Variants in PACS2 observed in about 807,000 individuals in gnomAD.
The protein encoded by PACS2 is PACS1-like protein.
PACS2 carries 36 observed loss-of-function variants against 113.0 expected under a neutral mutation model. The ratio of observed to expected loss-of-function variants is 0.32; its 90% CI spans 0.24 to 0.42. PACS2 has a LOEUF of 0.42. Among genes scored for constraint, PACS2 ranks in the 10% least tolerant of loss-of-function variants. The pLI is 1.00. For missense variants in PACS2, 1,015 were observed against 1,239.5 expected, an observed-to-expected ratio of 0.82 and a Z score of 2.72; for synonymous variants, 589 against 536.1, an observed-to-expected ratio of 1.10 and a Z score of -1.36.
In PACS2 at chr14:105,367,115, T is replaced by G. The variant is rs2060968702; in HGVS notation, c.424-98T>G. 6.1e-6 allele frequency: 7 copies of G among 1,139,930 alleles called. No individual in the cohort carries two copies. In the Admixed American group the frequency reaches 1.5e-4, roughly 24 times the overall value. 70.6% of individuals were successfully genotyped at this position (1,139,930 alleles called of 1,614,324 possible). On this transcript the variant is annotated intron_variant, in intron 4 of 24. Transcript: ENST00000447393. ...TGCTGAGGGTCCCCCTTGCTGTCACTGAGAGAGAAAGCCCTTCAGAAACCC... is the reference window on the plus strand; with the variant it reads ...TGCTGAGGGTCCCCCTTGCTGTCACGGAGAGAGAAAGCCCTTCAGAAACCC...
chr14:105,331,468 G>A (rs1021043664), intron 1 of PACS2, among the ~76,000 whole-genome samples: 2 of 152,196 alleles, frequency 1.3e-5, no homozygotes, highest in Non-Finnish European at 2.9e-5. Flanking sequence ...TCAGGCTAGA[G>A]TGCAGTGGCA....
In PACS2 at chr14:105,376,503, T is replaced by C. The variant is rs115269103; in HGVS notation, c.802-265T>C. On this transcript the variant is annotated intron_variant, in intron 8 of 24. Coordinates refer to ENST00000447393, the MANE Select transcript of PACS2 (RefSeq NM_001100913.3). The surrounding 1 kb of genome is among the most constrained non-coding windows in gnomAD (Gnocchi z 4.7). ...AGCTCACCTGCCTGCACCCAGGCCC[T>C]CCGTGCACCCTGGCAGCCCAGATGA... Among the ~76,000 whole-genome samples, 524 of 152,232 alleles carry C rather than the reference T, an allele frequency of 3.4e-3. 2 individuals carry two copies. Among genetic ancestry groups the C allele is most frequent in the African/African-American group, 0.012 (501 of 41,546 alleles).
At chr14:105,380,245 A>G (rs1271994403) in intron 11 of PACS2, 91 bp downstream of exon 11, 5 of 1,066,860 alleles carry the variant, frequency 4.7e-6, no homozygotes, top group African/African-American at 1.6e-5. Flanking sequence ...CGGGGCCCAC[A>G]TATAGGTCCT....
At chr14:105,313,471 A>G (rs888677590), upstream of PACS2, among the ~76,000 whole-genome samples, 7 of 152,242 alleles carry the variant, frequency 4.6e-5, no homozygotes. Flanking sequence ...TGGGAAACAC[A>G]GAGTCCCTTG....
At chr14:105,326,667 C>T (rs2059120613) in intron 1 of PACS2, among the ~76,000 whole-genome samples, 1 of 152,210 alleles carries the variant, frequency 6.6e-6, no homozygotes, top group African/African-American at 2.4e-5. Flanking sequence ...GGCTCTCCTT[C>T]CTCCCCCACC....
At chr14:105,320,010 G>A (rs2058829520) in intron 1 of PACS2, among the ~76,000 whole-genome samples, 1 of 152,018 alleles carries the variant, frequency 6.6e-6, no homozygotes, top group African/African-American at 2.4e-5. Flanking sequence ...ACAGAGTCTC[G>A]CTCTGTTACC....
chr14:105,302,939 A>G (rs1282048626), intron 1 of PACS2, among the ~76,000 whole-genome samples: 1 of 136,338 alleles, frequency 7.3e-6, no homozygotes, highest in Non-Finnish European at 1.6e-5. Flanking sequence ...CCCTTTCTCT[A>G]GTTCTTTTTT....
rs1424146037 is a variant in PACS2 at position 105,336,318 on chromosome 14, A to C, written c.120-12175A>C. 2.0e-5 allele frequency: 3 copies of C among 152,270 alleles called. No individual in the cohort carries two copies. The East Asian group carries it at 5.8e-4, about 29-fold the overall frequency. The allele number at this position is 152,270 out of a possible 1,614,324, so 9.4% of individuals were successfully genotyped here. ...CTGGTGCATTTCTCAGAAATCCGTG[A>C]AGTGCTCCCTTGTCCTGCTCGTGTT... is the stretch of plus-strand genomic sequence containing the variant. On this transcript the variant is annotated intron_variant, in intron 1 of 24. Coordinates refer to ENST00000447393, the MANE Select transcript of PACS2 (RefSeq NM_001100913.3).
intron 7 of PACS2, among the ~76,000 whole-genome samples, chr14:105,368,816 G>C (rs981007104): frequency 6.6e-6 from 1 of 152,244 alleles, no homozygotes; most frequent in Non-Finnish European, 1.5e-5. Flanking sequence ...CTCACTCCAT[G>C]TGCAGAAACT....
In PACS2 at chr14:105,390,829, G is replaced by A. The variant is rs1477876107; in HGVS notation, c.2077-378G>A. The A allele has an allele frequency of 1.6e-5, 5 of 303,192 alleles. No individual in the cohort carries two copies. In the South Asian group the frequency reaches 2.2e-4, roughly 13 times the overall value. 18.8% of individuals were successfully genotyped at this position (303,192 alleles called of 1,614,324 possible). On this transcript the variant is annotated intron_variant, in intron 20 of 24. Coordinates refer to ENST00000447393, the MANE Select transcript of PACS2 (RefSeq NM_001100913.3). ...GCCCTGCGGTGTCACTGGGATTCAC[G>A]GTAGATCTACGTAGCCGCCTGTGGC... is the stretch of plus-strand genomic sequence containing the variant.
chr14:105,302,306 C>T (rs1033400403), intron 1 of PACS2, among the ~76,000 whole-genome samples: 2 of 148,862 alleles, frequency 1.3e-5, no homozygotes, highest in Admixed American at 1.4e-4. Context: ...TGGGTTTAAG[C>T]GATTCTCCTC....
chr14:105,327,478 TCTC>T (rs1407184644), intron 1 of PACS2, among the ~76,000 whole-genome samples: 2 of 152,070 alleles, frequency 1.3e-5, no homozygotes, highest in Non-Finnish European at 2.9e-5. Context: ...GTGGAGTTGT[TCTC>T]CTGCCGTGGT....
intron 16 of PACS2, chr14:105,384,063 G>A (rs587753126): frequency 2.4e-6 from 1 of 419,338 alleles, no homozygotes; most frequent in South Asian, 2.8e-5. Context: ...CGACGTCAGA[G>A]CCCTGAGCCA....
At chr14:105,382,965 T>C (rs1334432057) in intron 15 of PACS2, 52 bp downstream of exon 15, 6 of 1,076,456 alleles carry the variant, frequency 5.6e-6, no homozygotes, top group Non-Finnish European at 8.4e-6. Flanking sequence ...TCGGGGTCCC[T>C]GCACCCCCAC....
intron 1 of PACS2, among the ~76,000 whole-genome samples, chr14:105,331,337 T>A (rs587772222): frequency 7.9e-5 from 12 of 152,346 alleles, no homozygotes; most frequent in African/African-American, 2.9e-4. Flanking sequence ...TTTGATCATT[T>A]TGATTGTGTT....
intron 22 of PACS2, chr14:105,392,260 AC>A (rs1197546770): frequency 2.4e-4 from 87 of 369,284 alleles, no homozygotes; most frequent in Middle Eastern, 8.2e-4. Flanking sequence ...ACCAGCAGAT[AC>A]CCCCCCGACC....
intron 15 of PACS2, 180 bp downstream of exon 15, chr14:105,383,093 A>C: frequency 3.2e-6 from 2 of 624,466 alleles, no homozygotes; most frequent in Non-Finnish European, 5.7e-6. Context: ...GGGCGGGAGC[A>C]GCAGCCTGGT....
In PACS2 at chr14:105,384,907, C is replaced by T. The variant is rs781872141; in HGVS notation, c.1920C>T (p.Arg640=). ...AVQDTPDIVS[R]ITQYIAGANC... Reference sequence around the variant, plus strand: ...AGGACACGCCAGACATTGTGTCACGCATCACGCAGTACATCGCAGGGGCCA... The same window carrying T: ...AGGACACGCCAGACATTGTGTCACGTATCACGCAGTACATCGCAGGGGCCA... The change falls in exon 18 of 25, where the codon CGC becomes CGT. Residue 640 remains arginine, a synonymous_variant. Coordinates refer to ENST00000447393, the MANE Select transcript of PACS2 (RefSeq NM_001100913.3). The T allele has an allele frequency of 4.4e-5, 71 of 1,597,758 alleles. No homozygotes were observed. The highest frequency in any genetic ancestry group is 6.1e-5 in the Non-Finnish European group (71 of 1,172,184).
At chr14:105,333,133 G>A (rs1195165845) in intron 1 of PACS2, among the ~76,000 whole-genome samples, 3 of 152,090 alleles carry the variant, frequency 2.0e-5, no homozygotes, top group African/African-American at 4.8e-5. Context: ...GCACATACAC[G>A]TGCACACACA....
Sources: allele counts gnomAD v4.1 joint callset (sites outside exome capture counted in the v4.1 genomes callset), GRCh38; gene constraint gnomAD v4.1.1; non-coding constraint Gnocchi (gnomAD v3.1); transcripts MANE v1.5; gene names NCBI Gene and HGNC (gene_info 2026-07-23, HGNC 2026-07-21).